GNG2: variants seen among roughly 807,000 people sequenced by gnomAD.
The protein encoded by GNG2 is guanine nucleotide-binding protein G(I)/G(S)/G(O) subunit gamma-2.
GNG2 carries 5 observed loss-of-function variants against 5.5 expected under a neutral mutation model. That is an observed-to-expected ratio of 0.91 (90% confidence interval 0.48 to 1.92). The LOEUF is 1.92. Ranked by LOEUF, GNG2 falls within the 30% of genes most tolerant of loss-of-function variation. The pLI is 0.01. For synonymous variants in GNG2, 28 were observed against 32.0 expected (o/e 0.88, Z 0.42); for missense variants, 55 against 88.4 (o/e 0.62, Z 1.52).
chr14:51,896,079 T>C lies in GNG2; in HGVS notation c.-30+18422T>C, dbSNP rs149549530. Reference sequence around the variant, plus strand: ...GACTAATATACCCACTAACCCTAAATAGTCAATGACCTTACACTTTGGATT... The same window carrying C: ...GACTAATATACCCACTAACCCTAAACAGTCAATGACCTTACACTTTGGATT... On this transcript the variant is annotated intron_variant, in intron 2 of 3. Coordinates refer to ENST00000556766, the MANE Select transcript of GNG2 (RefSeq NM_053064.5). 4.8e-3 allele frequency among the ~76,000 whole-genome samples: 738 copies of C among 152,302 alleles called. 17 individuals are homozygous for C. The highest frequency in any genetic ancestry group is 3.1e-3 in the East Asian group (16 of 5,184).
rs533017455 is a variant in GNG2 at position 51,884,245 on chromosome 14, C to A, written c.-30+6588C>A. Among the ~76,000 whole-genome samples the A allele has an allele frequency of 3.9e-5, 6 of 152,246 alleles. No homozygotes were observed. The East Asian group carries it at 7.7e-4, about 20-fold the overall frequency. ...ACTGAAAGAAAAAAAATGTCAGAAC[C>A]AAAGTGATGCTAGCAGAGAGGGCTG... On this transcript the variant is annotated intron_variant, in intron 2 of 3. Coordinates refer to ENST00000556766, the MANE Select transcript of GNG2 (RefSeq NM_053064.5).
At chr14:51,935,704 A>G (rs916214245) in intron 2 of GNG2, among the ~76,000 whole-genome samples, 2 of 151,464 alleles carry the variant, frequency 1.3e-5, no homozygotes, top group African/African-American at 4.9e-5. Flanking sequence ...TTTGAGGTTT[A>G]ATTGGCTCAC....
intron 2 of GNG2, among the ~76,000 whole-genome samples, chr14:51,849,525 A>C (rs1188544619): frequency 6.6e-6 from 1 of 152,264 alleles, no homozygotes; most frequent in Non-Finnish European, 1.5e-5. Flanking sequence ...GATGGCGATC[A>C]GAGAATAACC....
intron 2 of GNG2, among the ~76,000 whole-genome samples, chr14:51,944,533 T>C (rs1368476518): frequency 6.6e-6 from 1 of 152,126 alleles, no homozygotes; most frequent in Admixed American, 6.5e-5. Flanking sequence ...GACACAAACA[T>C]CCAGGCCATA....
upstream of GNG2, among the ~76,000 whole-genome samples, chr14:51,858,512 T>A (rs1882268310): frequency 6.6e-6 from 1 of 152,206 alleles, no homozygotes; most frequent in Admixed American, 6.5e-5. Flanking sequence ...TAGGCTTAAA[T>A]ATAAATACCA....
At chr14:51,966,522 A>G (rs1410366489) in intron 3 of GNG2, 37 bp from the exon 4 acceptor site, 5 of 1,600,582 alleles carry the variant, frequency 3.1e-6, no homozygotes, top group East Asian at 4.5e-5. Context: ...TGACTGTACC[A>G]GACTCCAGTG....
intron 2 of GNG2, chr14:51,827,920 G>A: frequency 1.7e-6 from 1 of 599,988 alleles, no homozygotes; most frequent in Non-Finnish European, 3.0e-6. Context: ...GAGTCTGAGA[G>A]TGGGAGGACT....
intron 2 of GNG2, among the ~76,000 whole-genome samples, chr14:51,905,294 T>C (rs1419647947): frequency 6.6e-6 from 1 of 152,254 alleles, no homozygotes; most frequent in East Asian, 1.9e-4. Context: ...TGGAAGTATA[T>C]TTGTTTTACG....
intron 3 of GNG2, among the ~76,000 whole-genome samples, chr14:51,957,157 A>ATCCG (rs1889323491): frequency 1.6e-5 from 1 of 61,834 alleles, no homozygotes; most frequent in African/African-American, 5.5e-5. Flanking sequence ...TGTGCAGTAG[A>ATCCG]TCCCACCTCT....
intron 2 of GNG2, among the ~76,000 whole-genome samples, chr14:51,842,775 G>A (rs556077586): frequency 4.6e-5 from 7 of 151,216 alleles, no homozygotes; most frequent in Admixed American, 1.3e-4. Context: ...AGCAATTCTC[G>A]TGCCTCAGCC....
chr14:51,838,082 T>C (rs1881384147), intron 2 of GNG2, among the ~76,000 whole-genome samples: 2 of 152,092 alleles, frequency 1.3e-5, no homozygotes, highest in African/African-American at 4.8e-5. Context: ...AATTTCCAAG[T>C]TTTGGATAAT....
chr14:51,910,317 G>C (rs1203116864), intron 2 of GNG2, among the ~76,000 whole-genome samples: 1 of 152,182 alleles, frequency 6.6e-6, no homozygotes, highest in Admixed American at 6.5e-5. Flanking sequence ...GCAGGAAAGA[G>C]GGGGGCTAGC....
chr14:51,850,136 C>T (rs9972221), intron 2 of GNG2, among the ~76,000 whole-genome samples: 30,272 of 152,038 alleles, frequency 0.2, 3,316 homozygotes, highest in Middle Eastern at 0.32. Context: ...GCATAGTTGC[C>T]TCTTGGTCCT....
intron 1 of GNG2, among the ~76,000 whole-genome samples, chr14:51,875,102 TA>T (rs1290390152): frequency 6.6e-6 from 1 of 152,240 alleles, no homozygotes; most frequent in Non-Finnish European, 1.5e-5. Flanking sequence ...GTGGCTAACA[TA>T]AGTTAGAAGT....
At chr14:51,876,364 T>C (rs1376308053) in intron 1 of GNG2, among the ~76,000 whole-genome samples, 2 of 152,258 alleles carry the variant, frequency 1.3e-5, no homozygotes, top group African/African-American at 4.8e-5. Context: ...TTTGTCCACA[T>C]TGTGGGTTTG....
chr14:51,856,644 G>C (rs1882175961), upstream of GNG2, among the ~76,000 whole-genome samples: 1 of 152,204 alleles, frequency 6.6e-6, no homozygotes, highest in Admixed American at 6.5e-5. Context: ...TGTTGGCCAG[G>C]CTGGTCTTGA....
Position 51,968,343 on chromosome 14 carries a change from A to G in GNG2, c.*1656A>G, listed in dbSNP as rs1202789937. 4.0e-5 allele frequency: 6 copies of G among 149,180 alleles called. No homozygotes were observed. The highest frequency in any genetic ancestry group is 2.0e-4 in the East Asian group (1 of 5,054). The allele number at this position is 149,180 out of a possible 1,614,324, so 9.2% of individuals were successfully genotyped here. A position where few individuals can be genotyped will look rare whatever the true frequency, so the allele number is the denominator to read the frequency against. On this transcript the variant is annotated 3_prime_UTR_variant, in exon 4 of 4. Coordinates refer to ENST00000556766, the MANE Select transcript of GNG2 (RefSeq NM_053064.5). ...TAATTTTATTGTCTCTTTCCTCTCT[A>G]TTCGCTTTCTCCTGTTTTTTTTTTA...
intron 2 of GNG2, among the ~76,000 whole-genome samples, chr14:51,854,635 C>G (rs926486859): frequency 5.9e-5 from 9 of 152,190 alleles, no homozygotes; most frequent in South Asian, 2.1e-4. Flanking sequence ...CTCAGCTCCC[C>G]CCGAGTAGCT....
rs2140315476 is a variant in GNG2 at position 51,968,562 on chromosome 14, T to C, written c.*1875T>C. On this transcript the variant is annotated 3_prime_UTR_variant, in exon 4 of 4. Coordinates refer to ENST00000556766, the MANE Select transcript of GNG2 (RefSeq NM_053064.5). Reference sequence around the variant, plus strand: ...TTTGTGAAATGTATGAATGCACTTCTGTAACCAGATACTTCTGTTCTTCTG... The same window carrying C: ...TTTGTGAAATGTATGAATGCACTTCCGTAACCAGATACTTCTGTTCTTCTG... The C allele has an allele frequency of 6.6e-6, 1 of 152,364 alleles. No homozygotes were observed. Among genetic ancestry groups the C allele is most frequent in the African/African-American group, 2.4e-5 (1 of 41,580 alleles). 9.4% of individuals were successfully genotyped at this position (152,364 alleles called of 1,614,324 possible). A position where few individuals can be genotyped will look rare whatever the true frequency, so the allele number is the denominator to read the frequency against.
Sources: gnomAD v4.1 joint callset for allele counts (sites outside exome capture counted in the v4.1 genomes callset) on GRCh38, gnomAD v4.1.1 for gene constraint, MANE v1.5 for transcripts, NCBI Gene and HGNC (gene_info 2026-07-23, HGNC 2026-07-21) for gene names.